The following MAGI2 variants were observed in gnomAD, a reference collection of about 807,000 sequenced individuals.
The protein encoded by MAGI2 is membrane-associated guanylate kinase, WW and PDZ domain-containing protein 2.
Under a neutral mutation model 133.3 loss-of-function variants are expected in MAGI2, and 35 were observed. That is an observed-to-expected ratio of 0.26 (90% CI 0.20 to 0.35). The LOEUF is 0.35. MAGI2 is among the 10% of genes least tolerant of loss of function. MAGI2 has a pLI of 1.00. For missense variants in MAGI2, 1,636 were observed against 1,863.4 expected, an observed-to-expected ratio of 0.88 and a Z score of 2.25; for synonymous variants, 729 against 710.6, an observed-to-expected ratio of 1.03 and a Z score of -0.41.
chr7:78,678,080 G>A (rs977636430), intron 2 of MAGI2, among the ~76,000 whole-genome samples: 3 of 152,096 alleles, frequency 2.0e-5, no homozygotes, highest in Admixed American at 2.0e-4. Context: ...AGGCAGTACC[G>A]ATCAGAGAGA....
chr7:79,215,831 T>C (rs2129553094), intron 1 of MAGI2, among the ~76,000 whole-genome samples: 1 of 152,120 alleles, frequency 6.6e-6, no homozygotes, highest in South Asian at 2.1e-4. Context: ...GGACCTTAAC[T>C]TTGGCAAAAT....
At chr7:78,230,694 G>A (rs1789879341) in intron 10 of MAGI2, among the ~76,000 whole-genome samples, 1 of 152,148 alleles carries the variant, frequency 6.6e-6, no homozygotes, top group South Asian at 2.1e-4. Context: ...GAGGAAAAAA[G>A]AGAAACAATT....
intron 1 of MAGI2, among the ~76,000 whole-genome samples, chr7:79,205,934 C>A (rs1479315577): frequency 6.6e-6 from 1 of 150,948 alleles, no homozygotes; most frequent in Non-Finnish European, 1.5e-5. Flanking sequence ...AATCACTTAA[C>A]CAATAATGAA....
At chr7:79,149,662 G>A (rs1823001448) in intron 1 of MAGI2, among the ~76,000 whole-genome samples, 1 of 152,000 alleles carries the variant, frequency 6.6e-6, no homozygotes. Context: ...TCTACTACTG[G>A]CAAACACATT....
intron 20 of MAGI2, among the ~76,000 whole-genome samples, chr7:78,112,695 C>G (rs762478052): frequency 5.3e-5 from 8 of 152,158 alleles, no homozygotes; most frequent in Non-Finnish European, 1.0e-4. Flanking sequence ...ATTCAGCAGT[C>G]AATATTTACT....
intron 9 of MAGI2, among the ~76,000 whole-genome samples, chr7:78,298,270 A>T (rs1370346614): frequency 2.0e-5 from 3 of 152,192 alleles, no homozygotes; most frequent in African/African-American, 7.2e-5. Flanking sequence ...GTCTAACGAG[A>T]CATGACAACT....
At chr7:78,174,303 G>C (rs187928213) in intron 14 of MAGI2, among the ~76,000 whole-genome samples, 1 of 152,262 alleles carries the variant, frequency 6.6e-6, no homozygotes, top group Admixed American at 6.5e-5. Flanking sequence ...AGTGTATTCC[G>C]GAACAAACAG....
intron 2 of MAGI2, among the ~76,000 whole-genome samples, chr7:78,911,793 A>G (rs1328292285): frequency 1.3e-5 from 2 of 151,908 alleles, no homozygotes; most frequent in Non-Finnish European, 2.9e-5. Flanking sequence ...AGATTATTTC[A>G]TTATCCAGGT....
intron 21 of MAGI2, among the ~76,000 whole-genome samples, 156 bp from the exon 22 acceptor site, chr7:78,020,132 G>A (rs1410088475): frequency 1.4e-5 from 2 of 145,950 alleles, no homozygotes; most frequent in Non-Finnish European, 3.1e-5. Context: ...CTGCCGAGAG[G>A]GCAGCGGCCG....
chr7:79,247,038 A>G, intron 1 of MAGI2, among the ~76,000 whole-genome samples: 1 of 152,210 alleles, frequency 6.6e-6, no homozygotes, highest in Non-Finnish European at 1.5e-5. Flanking sequence ...TTATTCTAGA[A>G]TAAAATATCC....
rs913174838 is a variant in MAGI2, at chr7:78,601,616, T to C, written c.538+25504A>G. ...ATAAGGTACTCAAATTTTGTATTTCTACTGGAGGATAGAGGAATTTGTGAG... is the reference window on the plus strand; with the variant it reads ...ATAAGGTACTCAAATTTTGTATTTCCACTGGAGGATAGAGGAATTTGTGAG... On this transcript the variant is annotated intron_variant, in intron 3 of 21. Coordinates refer to ENST00000354212, the MANE Select transcript of MAGI2 (RefSeq NM_012301.4). 2.2e-4 allele frequency among the ~76,000 whole-genome samples: 33 copies of C among 152,204 alleles called. 1 individual carries two copies. The highest frequency in any genetic ancestry group is 6.5e-5 in the Admixed American group (1 of 15,280).
chr7:78,981,141 C>A (rs1804749431), intron 2 of MAGI2, among the ~76,000 whole-genome samples: 1 of 151,194 alleles, frequency 6.6e-6, no homozygotes, highest in South Asian at 2.1e-4. Context: ...CTCACCCAGG[C>A]CTTGTTGGAC....
At chr7:79,102,890 T>G (rs553362994) in intron 1 of MAGI2, among the ~76,000 whole-genome samples, 30 of 152,296 alleles carry the variant, frequency 2.0e-4, no homozygotes, top group African/African-American at 6.7e-4. Context: ...AATCAGTTGA[T>G]TTTTAAGTAA....
At chr7:78,980,325 A>C (rs1339848763) in intron 2 of MAGI2, among the ~76,000 whole-genome samples, 1 of 151,932 alleles carries the variant, frequency 6.6e-6, no homozygotes, top group African/African-American at 2.4e-5. Context: ...AGAGTTAACA[A>C]GGCAAACTGC....
chr7:78,137,136 G>T (rs533169025), intron 16 of MAGI2, among the ~76,000 whole-genome samples: 2 of 151,650 alleles, frequency 1.3e-5, no homozygotes, highest in Admixed American at 1.3e-4. Context: ...AGGTATTTAG[G>T]GTTGCAATTA....
chr7:78,249,280 T>A (rs1427563760), intron 10 of MAGI2, among the ~76,000 whole-genome samples: 16 of 152,098 alleles, frequency 1.1e-4, no homozygotes, highest in Admixed American at 1.0e-3. Flanking sequence ...TAAATTAGTA[T>A]AGCCATTACA....
chr7:78,631,969 G>C (rs1171593900), intron 2 of MAGI2, among the ~76,000 whole-genome samples: 1 of 152,230 alleles, frequency 6.6e-6, no homozygotes, highest in Non-Finnish European at 1.5e-5. Context: ...TAGGGCTAAT[G>C]TGAGGAACAA....
At chr7:78,162,245 A>G (rs530457692) in intron 15 of MAGI2, among the ~76,000 whole-genome samples, 39 of 152,052 alleles carry the variant, frequency 2.6e-4, no homozygotes, top group Non-Finnish European at 5.4e-4. Context: ...AGCAAGAAAG[A>G]AGAAGCGCGG....
At chr7:78,237,649 T>C (rs891886502) in intron 10 of MAGI2, among the ~76,000 whole-genome samples, 6 of 152,214 alleles carry the variant, frequency 3.9e-5, no homozygotes, top group African/African-American at 1.4e-4. Flanking sequence ...TTAGTTCTTT[T>C]TATTTTTTTT....
Sources: gnomAD v4.1 joint callset for allele counts (sites outside exome capture counted in the v4.1 genomes callset) on GRCh38, gnomAD v4.1.1 for gene constraint, MANE v1.5 for transcripts, NCBI Gene and HGNC (gene_info 2026-07-23, HGNC 2026-07-21) for gene names.